The following CACNA1E variants were observed in gnomAD, a reference collection of about 807,000 sequenced individuals.
The protein encoded by CACNA1E is voltage-dependent R-type calcium channel subunit alpha-1E.
A neutral mutation model predicts 259.2 loss-of-function variants in CACNA1E; 40 were observed. That is an observed-to-expected ratio of 0.15 (90% CI 0.12 to 0.20). The LOEUF is 0.20. Ranked by LOEUF, CACNA1E falls within the 10% of genes least tolerant of loss-of-function variation. CACNA1E has a pLI of 1.00. For synonymous variants in CACNA1E, 1,104 were observed against 1,138.5 expected, an observed-to-expected ratio of 0.97 and a Z score of 0.61; for missense variants, 1,874 against 3,040.1, an observed-to-expected ratio of 0.62 and a Z score of 9.02.
At chr1:181,652,092 C>T (rs1375883167) in intron 7 of CACNA1E, 1 of 152,140 alleles carries the variant, frequency 6.6e-6, no homozygotes, top group Non-Finnish European at 1.5e-5. Context: ...ATAGTTTCAT[C>T]AAGGATTGAG....
chr1:181,643,653 G>A (rs1201298509), intron 6 of CACNA1E, among the ~76,000 whole-genome samples: 1 of 152,216 alleles, frequency 6.6e-6, no homozygotes. Context: ...TTGGGTGGAG[G>A]AGTGTTTCTT....
intron 16 of CACNA1E, among the ~76,000 whole-genome samples, chr1:181,722,376 C>A (rs1395074781): frequency 6.6e-6 from 1 of 152,142 alleles, no homozygotes; most frequent in Non-Finnish European, 1.5e-5. Flanking sequence ...GGCACTATTT[C>A]ATCTAATCCT....
chr1:181,549,955 G>T (rs1356371079), intron 3 of CACNA1E, among the ~76,000 whole-genome samples: 3 of 152,192 alleles, frequency 2.0e-5, no homozygotes, highest in Non-Finnish European at 4.4e-5. Flanking sequence ...GAGGCTTAAA[G>T]TGAGGGGGTG....
intron 8 of CACNA1E, 21 bp downstream of exon 8, chr1:181,711,090 G>A (rs1311521694): frequency 2.0e-6 from 3 of 1,521,886 alleles, no homozygotes; most frequent in South Asian, 1.1e-5. Context: ...GGGGCTGCAG[G>A]AGGCTGGTGA....
chr1:181,527,465 C>T (rs561107467), intron 3 of CACNA1E, among the ~76,000 whole-genome samples: 1 of 152,342 alleles, frequency 6.6e-6, no homozygotes, highest in South Asian at 2.1e-4. Flanking sequence ...GTCCTGGAAT[C>T]ACTTCATCTT....
At chr1:181,636,730 T>C (rs768510494) in intron 6 of CACNA1E, among the ~76,000 whole-genome samples, 3 of 152,184 alleles carry the variant, frequency 2.0e-5, no homozygotes, top group African/African-American at 7.2e-5. Context: ...AGGGGGATTG[T>C]CAGGACTGAG....
At chr1:181,322,660 A>C (rs1650451524) in intron 1 of CACNA1E, among the ~76,000 whole-genome samples, 1 of 152,156 alleles carries the variant, frequency 6.6e-6, no homozygotes, top group African/African-American at 2.4e-5. Context: ...AACTGCACTG[A>C]ATGAGGTTAT....
intron 6 of CACNA1E, among the ~76,000 whole-genome samples, chr1:181,606,624 T>C (rs552792222): frequency 6.6e-6 from 1 of 152,360 alleles, no homozygotes; most frequent in South Asian, 2.1e-4. Flanking sequence ...ATGTCCTATG[T>C]CACTTCCCTT....
chr1:181,426,610 T>C (rs1659237371), intron 2 of CACNA1E, among the ~76,000 whole-genome samples: 2 of 141,550 alleles, frequency 1.4e-5, no homozygotes, highest in African/African-American at 5.4e-5. Flanking sequence ...CCTTCCCATC[T>C]CAACCCCTTC....
chr1:181,624,988 G>C (rs182480430), intron 6 of CACNA1E, among the ~76,000 whole-genome samples: 4 of 151,174 alleles, frequency 2.6e-5, no homozygotes, highest in Non-Finnish European at 1.5e-5. Flanking sequence ...TAATTTCCTT[G>C]TGCATGTTCA....
At chr1:181,450,960 G>A (rs1661119371) in intron 2 of CACNA1E, among the ~76,000 whole-genome samples, 1 of 152,178 alleles carries the variant, frequency 6.6e-6, no homozygotes, top group Non-Finnish European at 1.5e-5. Flanking sequence ...AGGATTGAGG[G>A]AGAGGAGGTG....
chr1:181,339,134 G>C (rs776900698), intron 1 of CACNA1E, among the ~76,000 whole-genome samples: 1 of 151,676 alleles, frequency 6.6e-6, no homozygotes, highest in Non-Finnish European at 1.5e-5. Context: ...AGATTGCTTT[G>C]GCTATTCAGG....
At chr1:181,745,114 A>G (rs1260434158) in intron 25 of CACNA1E, among the ~76,000 whole-genome samples, 3 of 152,194 alleles carry the variant, frequency 2.0e-5, no homozygotes, top group Non-Finnish European at 4.4e-5. Flanking sequence ...AAGGAGGGAC[A>G]GAGTGGCAGC....
At chr1:181,452,103 G>T (rs1324226243) in intron 2 of CACNA1E, among the ~76,000 whole-genome samples, 1 of 152,224 alleles carries the variant, frequency 6.6e-6, no homozygotes, top group African/African-American at 2.4e-5. Context: ...GTTAGGGCCG[G>T]ATGAGGGCTT....
intron 43 of CACNA1E, among the ~76,000 whole-genome samples, chr1:181,787,168 G>A (rs1660918171): frequency 2.0e-5 from 3 of 152,096 alleles, no homozygotes; most frequent in South Asian, 4.2e-4. Context: ...TGCCCAGGCT[G>A]GAGTGCAGTG....
At chr1:181,446,469 T>C (rs759876032) in intron 2 of CACNA1E, among the ~76,000 whole-genome samples, 1 of 152,234 alleles carries the variant, frequency 6.6e-6, no homozygotes, top group Non-Finnish European at 1.5e-5. Flanking sequence ...CAGTGCACAA[T>C]GCGTAGAGGT....
chr1:181,599,208 A>G lies in CACNA1E; in HGVS notation c.951+18432A>G, dbSNP rs367559041. Among the ~76,000 whole-genome samples the G allele has an allele frequency of 7.9e-5, 12 of 152,130 alleles. No individual in the cohort carries two copies. The South Asian group carries it at 2.5e-3, about 32-fold the overall frequency. ...TTAGCTCCCACTTATAAGTGAGAAC[A>G]TGGGGCATTTGGTTTTCCGTTCTTG... On this transcript the variant is annotated intron_variant, in intron 6 of 47. Transcript: ENST00000367573.
chr1:181,394,719 CA>C (rs1656532994), intron 1 of CACNA1E, among the ~76,000 whole-genome samples: 1 of 152,058 alleles, frequency 6.6e-6, no homozygotes, highest in Non-Finnish European at 1.5e-5. Context: ...GATATTTGAG[CA>C]AATATGTGAA....
At chr1:181,752,353 G>A (rs1360360990) in intron 27 of CACNA1E, 114 bp downstream of exon 27, 12 of 750,244 alleles carry the variant, frequency 1.6e-5, no homozygotes, top group East Asian at 2.6e-5. Context: ...TTTCTCACAC[G>A]GATATCGAAG....
Sources: allele counts gnomAD v4.1 joint callset (sites outside exome capture counted in the v4.1 genomes callset), GRCh38; gene constraint gnomAD v4.1.1; transcripts MANE v1.5; gene names NCBI Gene and HGNC (gene_info 2026-07-23, HGNC 2026-07-21).